Variants in TNFRSF10A observed in about 807,000 individuals in gnomAD.
The protein encoded by TNFRSF10A is TNF receptor superfamily member 10a, also known as tumor necrosis factor receptor superfamily member 10A.
A neutral mutation model predicts 42.8 loss-of-function variants in TNFRSF10A; 44 were observed. The ratio of observed to expected loss-of-function variants is 1.03; its 90% CI spans 0.81 to 1.32. TNFRSF10A has a LOEUF of 1.32. TNFRSF10A is among the 40% of genes most tolerant of loss of function. TNFRSF10A has a pLI of 0.00. For synonymous variants in TNFRSF10A, 259 were observed against 234.2 expected (o/e 1.11, Z -0.97); for missense variants, 680 against 602.0 (o/e 1.13, Z -1.36).
intron 1 of TNFRSF10A, among the ~76,000 whole-genome samples, chr8:23,213,707 G>T (rs1801128428): frequency 6.6e-6 from 1 of 152,070 alleles, no homozygotes; most frequent in Non-Finnish European, 1.5e-5. Flanking sequence ...GCCTCCCAAA[G>T]TGTTGGGATT....
intron 1 of TNFRSF10A, among the ~76,000 whole-genome samples, chr8:23,218,233 A>G (rs1801212234): frequency 6.6e-6 from 1 of 152,114 alleles, no homozygotes; most frequent in Non-Finnish European, 1.5e-5. Context: ...CTTCTCCTCC[A>G]TAGACTCTCC....
rs905240203 is a variant in TNFRSF10A at position 23,215,221 on chromosome 8, A to C, written c.307-3009T>G. Among the ~76,000 whole-genome samples, 5 of 152,316 alleles carry C rather than the reference A, an allele frequency of 3.3e-5. No homozygotes were observed. In the South Asian group the frequency reaches 1.0e-3, roughly 32 times the overall value. On this transcript the variant is annotated intron_variant, in intron 1 of 9. Transcript: ENST00000221132. ...TTAAATTAGAAAGTTAAATTAGAAA[A>C]GGAAGAGCAGGGGGGCCGGGCGCCG...
At chr8:23,220,751 A>G (rs1426342402) in intron 1 of TNFRSF10A, among the ~76,000 whole-genome samples, 2 of 152,208 alleles carry the variant, frequency 1.3e-5, no homozygotes, top group African/African-American at 2.4e-5. Context: ...GGCTCAGGGC[A>G]TGGCACTGTC....
intron 2 of TNFRSF10A, among the ~76,000 whole-genome samples, chr8:23,210,321 G>A (rs527845539): frequency 1.9e-4 from 29 of 152,248 alleles, no homozygotes; most frequent in Non-Finnish European, 3.5e-4. Context: ...ACAGACTAAC[G>A]ATTCTTATGA....
chr8:23,199,275 C>T lies in TNFRSF10A; in HGVS notation c.1005G>A (p.Gln335=). 1.2e-6 allele frequency: 2 copies of T among 1,613,152 alleles called. No homozygotes were observed. The highest frequency in any genetic ancestry group is 1.7e-6 in the Non-Finnish European group (2 of 1,179,196). Residue 335 remains glutamine (Q), a synonymous_variant, in exon 8 of 10, where the codon CAG becomes CAA. Transcript: ENST00000221132. ...CCTGTCCCCAACTCACCAGCAGACA[C>T]TGTGCCTCCCCTGGGGACTGTACAG... The part of the protein sequence containing the change: ...GVTVQSPGEA[Q]CLLGPAEAEG...
chr8:23,193,349 C>G (rs1012892767), intron 9 of TNFRSF10A, among the ~76,000 whole-genome samples: 5 of 152,290 alleles, frequency 3.3e-5, no homozygotes, highest in Middle Eastern at 6.8e-3. Flanking sequence ...CCACTGCAGC[C>G]GGCCCCAACC....
At chr8:23,200,013 G>C in intron 6 of TNFRSF10A, 96 bp from the exon 7 acceptor site, 1 of 1,483,170 alleles carries the variant, frequency 6.7e-7, no homozygotes, top group Non-Finnish European at 9.3e-7. Context: ...CTGGGGGCTG[G>C]GACACTGGAC....
At position 23,200,782 on chromosome 8, in the gene TNFRSF10A, G is replaced by C. The variant is rs189251811; in HGVS notation, c.630-22C>G. The stretch of plus-strand genomic sequence containing the variant: ...GCACCTGGGTACACACAGGGAGGGA[G>C]GGGGGGGACTCTTGATGGAAAGCTG... On this transcript the variant is annotated intron_variant, in intron 4 of 9. Transcript: ENST00000221132. 203 of 1,535,874 alleles carry C rather than the reference G, an allele frequency of 1.3e-4. 4 individuals carry two copies. The Middle Eastern group carries it at 3.5e-3, about 27-fold the overall frequency.
intron 5 of TNFRSF10A, 29 bp downstream of exon 5, chr8:23,200,658 A>T (rs1800896768): frequency 6.2e-7 from 1 of 1,614,034 alleles, no homozygotes; most frequent in Admixed American, 1.7e-5. Context: ...TCTCCTCTGC[A>T]GCTGGGGCTT....
At chr8:23,197,295 A>G (rs1181090759) in intron 8 of TNFRSF10A, 91 bp from the exon 9 acceptor site, 1 of 1,465,324 alleles carries the variant, frequency 6.8e-7, no homozygotes, top group Non-Finnish European at 9.6e-7. Flanking sequence ...GGAAACCTGC[A>G]GCACATCACT....
At chr8:23,200,781 AGGG>A in intron 4 of TNFRSF10A, 21 bp from the exon 5 acceptor site, 6 of 705,648 alleles carry the variant, frequency 8.5e-6, no homozygotes, top group Non-Finnish European at 1.5e-5. Context: ...ACAGGGAGGG[AGGG>A]GGGGGACTCT....
At chr8:23,220,968 A>AG (rs1299139430) in intron 1 of TNFRSF10A, among the ~76,000 whole-genome samples, 3 of 152,234 alleles carry the variant, frequency 2.0e-5, no homozygotes, top group Non-Finnish European at 4.4e-5. Context: ...GAAACGTGGC[A>AG]GGTAAGCCAG....
intron 9 of TNFRSF10A, 69 bp downstream of exon 9, chr8:23,197,063 G>GGGACACCAGTTA: frequency 6.2e-7 from 1 of 1,602,050 alleles, no homozygotes; most frequent in Non-Finnish European, 8.6e-7. Context: ...CTCAGCAATG[G>GGGACACCAGTTA]GGACACCAGT....
At chr8:23,214,385 G>C (rs924019591) in intron 1 of TNFRSF10A, among the ~76,000 whole-genome samples, 1 of 151,936 alleles carries the variant, frequency 6.6e-6, no homozygotes, top group Non-Finnish European at 1.5e-5. Flanking sequence ...CTACACGGGA[G>C]GCTGAGGCAG....
chr8:23,201,054 A>G (rs549136680), intron 4 of TNFRSF10A, among the ~76,000 whole-genome samples: 1 of 152,280 alleles, frequency 6.6e-6, no homozygotes, highest in East Asian at 1.9e-4. Context: ...GGCCTGCGTT[A>G]GGAGGAATCA....
At position 23,219,157 on chromosome 8, in the gene TNFRSF10A, C is replaced by T. The variant is rs373290767; in HGVS notation, c.306+5599G>A. ...TTATTTAGGTCCCTAGTGACACCTC[C>T]TCCACCAGACTGTGGGCTTCAGGGA... On this transcript the variant is annotated intron_variant, in intron 1 of 9. Coordinates refer to ENST00000221132, the MANE Select transcript of TNFRSF10A (RefSeq NM_003844.4). Among the ~76,000 whole-genome samples, 40 of 152,246 alleles carry T rather than the reference C, an allele frequency of 2.6e-4. No homozygotes were observed. In the East Asian group the frequency reaches 5.4e-3, roughly 21 times the overall value.
In TNFRSF10A at chr8:23,199,457, G is replaced by A; in HGVS notation, c.832-9C>T. 1 of 1,605,132 alleles carries A rather than the reference G, an allele frequency of 6.2e-7. No individual in the cohort carries two copies. Among genetic ancestry groups the A allele is most frequent in the East Asian group, 2.2e-5 (1 of 44,606 alleles). ...AAGCGCCAGAAACACACCTTAGGAA[G>A]GCAAAGAGCCAACTCAGAAGCCCAC... On this transcript the variant is annotated splice_polypyrimidine_tract_variant and intron_variant, in intron 7 of 9. Coordinates refer to ENST00000221132, the MANE Select transcript of TNFRSF10A (RefSeq NM_003844.4).
At position 23,224,965 on chromosome 8, in the gene TNFRSF10A, T is replaced by C; in HGVS notation, c.97A>G (p.Thr33Ala). ...AASGTEAAAATPSKVWGSSAG... is the reference protein window; with the variant it reads ...AASGTEAAAAAPSKVWGSSAG... ...GAAGAGCCCCACACTTTGCTGGGTG[T>C]GGCCGCGGCTGCCTCTGTCCCACTC... Residue 33 changes from threonine (T) to alanine (A), a missense_variant, in exon 1 of 10, where the codon ACA (threonine) becomes GCA (alanine). Coordinates refer to ENST00000221132, the MANE Select transcript of TNFRSF10A (RefSeq NM_003844.4). 2 of 1,599,178 alleles carry C rather than the reference T, an allele frequency of 1.3e-6. No homozygotes were observed.
At chr8:23,220,514 T>A (rs1402830758) in intron 1 of TNFRSF10A, among the ~76,000 whole-genome samples, 1 of 152,166 alleles carries the variant, frequency 6.6e-6, no homozygotes, top group Non-Finnish European at 1.5e-5. Context: ...CCCAGCTCCT[T>A]CCTATAAACT....
Sources: gnomAD v4.1 joint callset for allele counts (sites outside exome capture counted in the v4.1 genomes callset) on GRCh38, gnomAD v4.1.1 for gene constraint, MANE v1.5 for transcripts, NCBI Gene and HGNC (gene_info 2026-07-23, HGNC 2026-07-21) for gene names.